Variants in ACKR2 observed in about 807,000 individuals in gnomAD.
ACKR2 encodes the protein atypical chemokine receptor 2.
For synonymous variants in ACKR2, 207 were observed against 192.2 expected (o/e 1.08, Z -0.64); for missense variants, 457 against 477.3 (o/e 0.96, Z 0.40).
intron 2 of ACKR2, among the ~76,000 whole-genome samples, chr3:42,843,314 G>A (rs1701059746): frequency 6.6e-6 from 1 of 151,718 alleles, no homozygotes. Context: ...CAAGTGATCT[G>A]CCCCCCCAGC....
Position 42,865,020 on chromosome 3 carries a change from T to C in ACKR2, c.518T>C (p.Leu173Pro). Residue 173 changes from leucine to proline, a missense_variant, in exon 3 of 3, where the codon CTG becomes CCG. Leu to Pro is a moderately conservative substitution (Grantham distance 98, BLOSUM62 -3). Coordinates refer to ENST00000422265, the MANE Select transcript of ACKR2 (RefSeq NM_001296.5). ...GCTACCATAGTATGGGCTGTGTCCCTGGCCGTCTCCATCCCTGATATGGTC... is the reference window on the plus strand; with the variant it reads ...GCTACCATAGTATGGGCTGTGTCCCCGGCCGTCTCCATCCCTGATATGGTC... ...LLATIVWAVSLAVSIPDMVFV... is the reference protein window; with the variant it reads ...LLATIVWAVSPAVSIPDMVFV... 1.2e-6 allele frequency: 2 copies of C among 1,614,194 alleles called. No individual in the cohort carries two copies. Among genetic ancestry groups the C allele is most frequent in the Non-Finnish European group, 1.7e-6 (2 of 1,180,044 alleles).
At position 42,850,821 on chromosome 3, in the gene ACKR2, C is replaced by G. The variant is rs1701148120; in HGVS notation, c.-37-13645C>G. Reference sequence around the variant, plus strand: ...ATAGGCAGCTAATCATACAGAGATGCCATGAAGGGGAGTCGGGGAGAAGGG... The same window carrying G: ...ATAGGCAGCTAATCATACAGAGATGGCATGAAGGGGAGTCGGGGAGAAGGG... On this transcript the variant is annotated intron_variant, in intron 2 of 2. Coordinates refer to ENST00000422265, the MANE Select transcript of ACKR2 (RefSeq NM_001296.5). 2.0e-5 allele frequency: 3 copies of G among 152,182 alleles called. 1 individual carries two copies. The South Asian group carries it at 6.2e-4, about 32-fold the overall frequency. 9.4% of individuals were successfully genotyped at this position (152,182 alleles called of 1,614,324 possible).
Position 42,866,694 on chromosome 3 carries a change from T to C in ACKR2, c.*1037T>C, listed in dbSNP as rs2088438422. ...AAACACCAGATTACAACAAATTTAG[T>C]TTAAAGGTCTCAATTAGCGTTATTG... is the stretch of plus-strand genomic sequence containing the variant. On this transcript the variant is annotated 3_prime_UTR_variant, in exon 3 of 3. Coordinates refer to ENST00000422265, the MANE Select transcript of ACKR2 (RefSeq NM_001296.5). 1 of 166,830 alleles carries C rather than the reference T, an allele frequency of 6.0e-6. No individual in the cohort carries two copies. The highest frequency in any genetic ancestry group is 2.1e-4 in the South Asian group (1 of 4,818). 10.3% of individuals were successfully genotyped at this position (166,830 alleles called of 1,614,324 possible). A position where few individuals can be genotyped will look rare whatever the true frequency, so the allele number is the denominator to read the frequency against.
chr3:42,835,317 T>C (rs1192572804), intron 2 of ACKR2: 4 of 151,840 alleles, frequency 2.6e-5, no homozygotes, highest in African/African-American at 9.7e-5. Flanking sequence ...CTGTGTGGTG[T>C]TGGTGAGGGC....
At chr3:42,848,626 CT>C (rs1291387489) in intron 2 of ACKR2, among the ~76,000 whole-genome samples, 1 of 152,084 alleles carries the variant, frequency 6.6e-6, no homozygotes, top group East Asian at 1.9e-4. Context: ...GTAATAATTA[CT>C]GTTGGAAAGT....
intron 1 of ACKR2, among the ~76,000 whole-genome samples, chr3:42,817,257 C>T (rs944279788): frequency 6.6e-6 from 1 of 152,170 alleles, no homozygotes; most frequent in Non-Finnish European, 1.5e-5. Context: ...AATGCAACCT[C>T]AAGCAAGTCA....
chr3:42,843,034 CTATTTATTTATT>C (rs35357659), intron 2 of ACKR2, among the ~76,000 whole-genome samples: 42,371 of 139,114 alleles, frequency 0.3, 7,335 homozygotes, highest in East Asian at 0.62. Context: ...TCATGTCTAG[CTATTTATTTATT>C]TATTTATTTA....
At chr3:42,850,278 A>G (rs1158255522) in intron 2 of ACKR2, among the ~76,000 whole-genome samples, 1 of 152,200 alleles carries the variant, frequency 6.6e-6, no homozygotes, top group Non-Finnish European at 1.5e-5. Context: ...TGTGGACCCC[A>G]GAGAAAGGCA....
rs1013467426 is a variant in ACKR2, at chr3:42,866,829, G to A, written c.*1172G>A. 3 of 166,866 alleles carry A rather than the reference G, an allele frequency of 1.8e-5. No homozygotes were observed. The highest frequency in any genetic ancestry group is 2.1e-4 in the South Asian group (1 of 4,818). 10.3% of individuals were successfully genotyped at this position (166,866 alleles called of 1,614,324 possible). On this transcript the variant is annotated 3_prime_UTR_variant, in exon 3 of 3. Transcript: ENST00000422265. ...TAGAAGAGGTTAGTTTTATAGACAGGAAGGGGCTGTCAAAGGCAGAAAGAA... is the reference window on the plus strand; with the variant it reads ...TAGAAGAGGTTAGTTTTATAGACAGAAAGGGGCTGTCAAAGGCAGAAAGAA...
intron 2 of ACKR2, among the ~76,000 whole-genome samples, chr3:42,849,728 T>C (rs1701132991): frequency 6.6e-6 from 1 of 152,226 alleles, no homozygotes; most frequent in African/African-American, 2.4e-5. Flanking sequence ...TTTGAATGGT[T>C]GGCCACATGC....
rs184615676 is a variant in ACKR2 at position 42,852,600 on chromosome 3, G to A, written c.-37-11866G>A. Among the ~76,000 whole-genome samples, 17 of 152,264 alleles carry A rather than the reference G, an allele frequency of 1.1e-4. No homozygotes were observed. The highest frequency in any genetic ancestry group is 1.1e-3 in the Admixed American group (17 of 15,294). On this transcript the variant is annotated intron_variant, in intron 2 of 2. Coordinates refer to ENST00000422265, the MANE Select transcript of ACKR2 (RefSeq NM_001296.5). This position sits in a 1 kb window ranked among gnomAD's most constrained non-coding sequence, Gnocchi z 4.3. Reference sequence around the variant, plus strand: ...GAGAAGCAGACAGCTATGTCTAGCTGGAAGCTGCAAGGGGACTCCTGCCCT... The same window carrying A: ...GAGAAGCAGACAGCTATGTCTAGCTAGAAGCTGCAAGGGGACTCCTGCCCT...
In ACKR2 at chr3:42,865,051, AC is replaced by A; in HGVS notation, c.550del (p.Gln184ArgfsTer34). 6.2e-7 allele frequency: 1 copy of A among 1,614,114 alleles called. No homozygotes were observed. Among genetic ancestry groups the A allele is most frequent in the Non-Finnish European group, 8.5e-7 (1 of 1,180,020 alleles). ...AVSIPDMVFVQTHENPKGVWN... is the reference protein window; with the variant it reads ...AVSIPDMVFVXTHENPKGVWN... Reference sequence around the variant, plus strand: ...TCTCCATCCCTGATATGGTCTTTGTACAGACACATGAAAATCCCAAGGGTGT... The same window carrying A: ...TCTCCATCCCTGATATGGTCTTTGTAAGACACATGAAAATCCCAAGGGTGT... On this transcript the variant is annotated frameshift_variant, in exon 3 of 3. Coordinates refer to ENST00000422265, the MANE Select transcript of ACKR2 (RefSeq NM_001296.5). LOFTEE classifies it low-confidence loss of function (END_TRUNC).
chr3:42,842,898 G>C (rs1701053623), intron 2 of ACKR2, among the ~76,000 whole-genome samples: 1 of 149,096 alleles, frequency 6.7e-6, no homozygotes, highest in Non-Finnish European at 1.5e-5. Context: ...CATGAGAATT[G>C]CTCAAACCTG....
chr3:42,815,992 T>G (rs572615730), intron 1 of ACKR2, among the ~76,000 whole-genome samples: 3 of 152,326 alleles, frequency 2.0e-5, no homozygotes, highest in Admixed American at 6.5e-5. Context: ...AATCATCTTG[T>G]ACCTCTGTTT....
rs1211566850 is a variant in ACKR2 at position 42,809,511 on chromosome 3, G to A, written c.-140G>A. On this transcript the variant is annotated 5_prime_UTR_variant, in exon 1 of 3. It removes an upstream start codon present in the reference 5' UTR. Coordinates refer to ENST00000422265, the MANE Select transcript of ACKR2 (RefSeq NM_001296.5). ...ATCCTTTCTGGAATGGAGGTCTTAT[G>A]AGCTGCTATTGAACACGGCAGGTGA... The A allele has an allele frequency of 6.6e-6, 1 of 152,306 alleles. No homozygotes were observed. The highest frequency in any genetic ancestry group is 1.9e-4 in the East Asian group (1 of 5,188). The allele number at this position is 152,306 out of a possible 1,614,324, so 9.4% of individuals were successfully genotyped here.
intron 1 of ACKR2, among the ~76,000 whole-genome samples, chr3:42,812,097 A>G (rs757158200): frequency 6.6e-6 from 1 of 152,138 alleles, no homozygotes; most frequent in Non-Finnish European, 1.5e-5. Context: ...TTCTTTCTCT[A>G]TACTTTGTCT....
chr3:42,830,206 A>G (rs1462464608), intron 2 of ACKR2, among the ~76,000 whole-genome samples: 2 of 152,178 alleles, frequency 1.3e-5, no homozygotes, highest in South Asian at 2.1e-4. Context: ...GTATTCCTGT[A>G]TCAAAGGAAG....
intron 2 of ACKR2, among the ~76,000 whole-genome samples, chr3:42,860,572 C>G (rs1447581479): frequency 1.3e-5 from 2 of 152,192 alleles, no homozygotes; most frequent in East Asian, 3.9e-4. Flanking sequence ...CCTGATACCA[C>G]AACATCACAC....
intron 2 of ACKR2, among the ~76,000 whole-genome samples, chr3:42,832,889 G>A (rs1173684686): frequency 1.3e-5 from 2 of 150,108 alleles, no homozygotes; most frequent in Non-Finnish European, 1.5e-5. Context: ...TTTGAGATAG[G>A]GTCTGACTCT....
Sources: allele counts gnomAD v4.1 joint callset (sites outside exome capture counted in the v4.1 genomes callset), GRCh38; gene constraint gnomAD v4.1.1; non-coding constraint Gnocchi (gnomAD v3.1); transcripts MANE v1.5; gene names NCBI Gene and HGNC (gene_info 2026-07-23, HGNC 2026-07-21).